The following NEXMIF variants were observed in gnomAD, a reference collection of about 807,000 sequenced individuals.
The protein encoded by NEXMIF is XLMR protein related to neurite extension.
In NEXMIF, 8 loss-of-function variants were observed where a neutral mutation model predicts 62.1. The ratio of observed to expected loss-of-function variants is 0.13; its 90% CI spans 0.08 to 0.23. NEXMIF has a LOEUF of 0.23. Ranked by LOEUF, NEXMIF falls within the 10% of genes least tolerant of loss-of-function variation. The pLI is 1.00. For synonymous variants in NEXMIF, 404 were observed against 416.6 expected (o/e 0.97, Z 0.37); for missense variants, 976 against 1,113.3 (o/e 0.88, Z 1.75).
chrX:74,883,279 G>A (rs745508480), intron 1 of NEXMIF, among the ~76,000 whole-genome samples: 5 of 111,932 alleles, frequency 4.5e-5, no homozygotes, highest in South Asian at 7.4e-4. Flanking sequence ...CACCAGCAAC[G>A]GAAGAAGCTG....
rs761299686 is a variant in NEXMIF at position 74,909,128 on chromosome X, T to C, written c.-48+15755A>G. ...AGTGGGGCATTGCTGAAAAGATACCTGAAAATGTGGAAGTGACTTTGGAAC... is the reference window on the plus strand; with the variant it reads ...AGTGGGGCATTGCTGAAAAGATACCCGAAAATGTGGAAGTGACTTTGGAAC... On this transcript the variant is annotated intron_variant, in intron 1 of 3. Transcript: ENST00000055682. Among the ~76,000 whole-genome samples the C allele has an allele frequency of 1.3e-4, 14 of 111,731 alleles. No individual in the cohort carries two copies. In the South Asian group the frequency reaches 4.2e-3, roughly 33 times the overall value.
intron 1 of NEXMIF, among the ~76,000 whole-genome samples, chrX:74,864,529 A>G (rs2080570208): frequency 9.0e-6 from 1 of 111,184 alleles, no homozygotes; most frequent in South Asian, 3.8e-4. Flanking sequence ...GATAAGTCTC[A>G]AGGGATCTGA....
rs755840617 is a variant in NEXMIF at position 74,740,492 on chromosome X, G to A, written c.4065C>T (p.Tyr1355=). 1.0e-4 allele frequency: 121 copies of A among 1,209,575 alleles called. No homozygotes were observed. The highest frequency in any genetic ancestry group is 1.3e-4 in the Non-Finnish European group (119 of 894,980). Residue 1355 remains tyrosine, a synonymous_variant, in exon 3 of 4, where the codon TAC becomes TAT. Transcript: ENST00000055682. Reference sequence around the variant, plus strand: ...ATTTTAGACTATTGGACTCAGGGGAGTAGAATATGTTGGGATCCCCATGGT... The same window carrying A: ...ATTTTAGACTATTGGACTCAGGGGAATAGAATATGTTGGGATCCCCATGGT... ...MEHHGDPNIF[Y]SPESNSLKLK... is the part of the protein sequence containing the mutation.
At chrX:74,860,976 G>A (rs1250047447) in intron 1 of NEXMIF, among the ~76,000 whole-genome samples, 1 of 111,628 alleles carries the variant, frequency 9.0e-6, no homozygotes, top group East Asian at 2.8e-4. Flanking sequence ...TATTTGAAAA[G>A]ATAAATGAAA....
chrX:74,786,865 G>GCACA lies in NEXMIF; in HGVS notation c.-47-41172_-47-41169dup, dbSNP rs746463340. 1.0e-3 allele frequency among the ~76,000 whole-genome samples: 113 copies of GCACA among 108,176 alleles called. 1 individual carries two copies. Among genetic ancestry groups the GCACA allele is most frequent in the African/African-American group, 3.6e-3 (107 of 29,923 alleles). 93.9% of individuals were successfully genotyped at this position (108,176 alleles called of 115,157 possible). A position where few individuals can be genotyped will look rare whatever the true frequency, so the allele number is the denominator to read the frequency against. On this transcript the variant is annotated intron_variant, in intron 1 of 3. Coordinates refer to ENST00000055682, the MANE Select transcript of NEXMIF (RefSeq NM_001008537.3). ...TGAGCACATGTGCATGTGCGTGTGT[G>GCACA]CACACACACACACACACCCCTATCA...
chrX:74,740,777 T>C lies in NEXMIF; in HGVS notation c.3780A>G (p.Glu1260=), dbSNP rs1327314038. The stretch of plus-strand genomic sequence containing the variant: ...CCATAGGGCCACCATGTTGGATACA[T>C]TCAGCCAATGTCTTCCCAGTGGAGG... The part of the protein sequence containing the change: ...TISSTGKTLA[E]CIQHGGPMAS... Residue 1260 remains glutamate, a synonymous_variant, in exon 3 of 4, where the codon GAA becomes GAG. Coordinates refer to ENST00000055682, the MANE Select transcript of NEXMIF (RefSeq NM_001008537.3). 2 of 1,211,976 alleles carry C rather than the reference T, an allele frequency of 1.7e-6. No homozygotes were observed. The highest frequency in any genetic ancestry group is 5.9e-5 in the East Asian group (2 of 33,845).
intron 1 of NEXMIF, among the ~76,000 whole-genome samples, chrX:74,767,282 TG>T (rs969370756): frequency 1.1e-4 from 12 of 112,335 alleles, no homozygotes; most frequent in Non-Finnish European, 1.9e-5. Flanking sequence ...TGCAGTATGC[TG>T]GGGGTCTGCT....
At chrX:74,800,180 C>T (rs1390146760) in intron 1 of NEXMIF, among the ~76,000 whole-genome samples, 1 of 111,560 alleles carries the variant, frequency 9.0e-6, no homozygotes, top group East Asian at 2.8e-4. Flanking sequence ...CACTAATTTG[C>T]ATGTAACCTT....
intron 1 of NEXMIF, among the ~76,000 whole-genome samples, chrX:74,916,631 C>A (rs916737986): frequency 3.6e-5 from 4 of 111,656 alleles, no homozygotes; most frequent in African/African-American, 9.8e-5. Context: ...AGGCCCTCAC[C>A]AGATGCAGCC....
intron 1 of NEXMIF, among the ~76,000 whole-genome samples, chrX:74,823,396 A>G (rs1238586476): frequency 9.0e-6 from 1 of 111,229 alleles, no homozygotes; most frequent in Non-Finnish European, 1.9e-5. Context: ...ACTGGTCTAT[A>G]CTCTTCAAAA....
chrX:74,794,782 C>G (rs1569344784), intron 1 of NEXMIF, among the ~76,000 whole-genome samples: 2 of 111,842 alleles, frequency 1.8e-5, no homozygotes, highest in African/African-American at 6.5e-5. Context: ...GGAAAGGGAA[C>G]TCCCTGACCC....
intron 1 of NEXMIF, among the ~76,000 whole-genome samples, chrX:74,895,261 A>G (rs1164492792): frequency 8.9e-6 from 1 of 112,014 alleles, no homozygotes; most frequent in African/African-American, 3.2e-5. Flanking sequence ...CAAATAAGTG[A>G]AAGTTCTCTA....
At chrX:74,909,862 AG>A (rs762453418) in intron 1 of NEXMIF, among the ~76,000 whole-genome samples, 1 of 112,302 alleles carries the variant, frequency 8.9e-6, no homozygotes, top group South Asian at 3.7e-4. Context: ...ATGGTTTCAG[AG>A]GGTACAAGCC....
At chrX:74,880,088 C>T (rs1049302317) in intron 1 of NEXMIF, among the ~76,000 whole-genome samples, 1 of 112,205 alleles carries the variant, frequency 8.9e-6, no homozygotes, top group Non-Finnish European at 1.9e-5. Context: ...TCAACCATAC[C>T]TCCTGACCTT....
intron 1 of NEXMIF, among the ~76,000 whole-genome samples, chrX:74,832,826 T>C (rs1182900415): frequency 9.0e-6 from 1 of 111,318 alleles, no homozygotes; most frequent in African/African-American, 3.3e-5. Context: ...TCCATTATCA[T>C]TGGCTTCAAG....
At position 74,741,693 on chromosome X, in the gene NEXMIF, T is replaced by C; in HGVS notation, c.2864A>G (p.Asp955Gly). 8.3e-7 allele frequency: 1 copy of C among 1,211,890 alleles called. No homozygotes were observed. The highest frequency in any genetic ancestry group is 1.1e-6 in the Non-Finnish European group (1 of 895,444). ...CNKVLYDSMQDTQLPSDDSYQ... is the reference protein window; with the variant it reads ...CNKVLYDSMQGTQLPSDDSYQ... ...AGAGTCATCAGATGGGAGTTGGGTA[T>C]CTTGCATGGAGTCATACAGGACCTT... Residue 955 changes from aspartate (D) to glycine (G), a missense_variant, in exon 3 of 4, where the codon GAT (aspartate) becomes GGT (glycine). Asp to Gly is a moderately conservative substitution (Grantham distance 94). Around this residue, in one of 5 missense-constraint regions of NEXMIF, gnomAD observed 639 missense variants for 694.5 expected, o/e 0.92. Transcript: ENST00000055682.
At chrX:74,746,298 C>T (rs1260564915) in intron 1 of NEXMIF, among the ~76,000 whole-genome samples, 1 of 111,913 alleles carries the variant, frequency 8.9e-6, no homozygotes, top group Non-Finnish European at 1.9e-5. Context: ...ACAAGTATTC[C>T]TCCAAACTCA....
chrX:74,845,265 C>T (rs2080488098), intron 1 of NEXMIF, among the ~76,000 whole-genome samples: 1 of 111,427 alleles, frequency 9.0e-6, no homozygotes, highest in Admixed American at 9.5e-5. Flanking sequence ...ACCCCACACA[C>T]CTTGCACTGC....
At position 74,742,772 on chromosome X, in the gene NEXMIF, T is replaced by C; in HGVS notation, c.1785A>G (p.Arg595=). ...KGFWQKKKKQ[R]NTNTDSIKTP... ...TCTTGATGGAGTCCGTGTTGGTGTT[T>C]CTCTGCTTCTTCTTCTTTTGCCAGA... Residue 595 remains arginine (R), a synonymous_variant, in exon 3 of 4, where the codon AGA becomes AGG. Transcript: ENST00000055682. 8.3e-7 allele frequency: 1 copy of C among 1,211,353 alleles called. No homozygotes were observed. Among genetic ancestry groups the C allele is most frequent in the Non-Finnish European group, 1.1e-6 (1 of 895,427 alleles).
Sources: gnomAD v4.1 joint callset for allele counts (sites outside exome capture counted in the v4.1 genomes callset) on GRCh38, gnomAD v4.1.1 for gene constraint, gnomAD v4.1.1 regional missense constraint, MANE v1.5 for transcripts, NCBI Gene and HGNC (gene_info 2026-07-23, HGNC 2026-07-21) for gene names.